Variants in PPFIA2 observed in about 807,000 individuals in gnomAD.
The protein encoded by PPFIA2 is liprin-alpha-2.
PPFIA2 carries 46 observed loss-of-function variants against 175.5 expected under a neutral mutation model. That is an observed-to-expected ratio of 0.26 (90% CI 0.21 to 0.34). The LOEUF (loss-of-function observed/expected upper bound fraction) is 0.34. Among genes scored for constraint, PPFIA2 ranks in the 10% least tolerant of loss-of-function variants. PPFIA2 has a pLI of 1.00. For synonymous variants in PPFIA2, 568 were observed against 511.4 expected, an observed-to-expected ratio of 1.11 and a Z score of -1.49; for missense variants, 1,179 against 1,506.1, an observed-to-expected ratio of 0.78 and a Z score of 3.60.
At position 81,347,730 on chromosome 12, in the gene PPFIA2, C is replaced by T. The variant is rs369543017; in HGVS notation, c.2035G>A (p.Glu679Lys). 6.2e-7 allele frequency: 1 copy of T among 1,613,870 alleles called. No homozygotes were observed. The highest frequency in any genetic ancestry group is 1.7e-5 in the Admixed American group (1 of 59,992). The part of the protein sequence containing the change: ...EEKESTELRA[E>K]EIENRVASVS... ...CTAGCCACTCTATTTTCAATTTCTTCAGCACGCAACTCTGTAGATTCTTTT... is the reference window on the plus strand; with the variant it reads ...CTAGCCACTCTATTTTCAATTTCTTTAGCACGCAACTCTGTAGATTCTTTT... The change falls in exon 18 of 33, where the codon GAA becomes AAA. Residue 679 changes from glutamate (E) to lysine (K), a missense_variant. Coordinates refer to ENST00000549396, the MANE Select transcript of PPFIA2 (RefSeq NM_003625.5).
At chr12:81,658,243 G>A (rs1361751369) in intron 4 of PPFIA2, among the ~76,000 whole-genome samples, 1 of 148,686 alleles carries the variant, frequency 6.7e-6, no homozygotes, top group South Asian at 2.1e-4. Context: ...ACTCCAGCCT[G>A]GGCAACAAGA....
At chr12:81,369,466 CA>C (rs2034501691) in intron 11 of PPFIA2, 1 of 1,258,746 alleles carries the variant, frequency 7.9e-7, no homozygotes. Flanking sequence ...ATGGTTTGAA[CA>C]CAAACCTGCC....
Position 81,275,866 on chromosome 12 carries a change from G to A in PPFIA2, c.3310+1451C>T, listed in dbSNP as rs2040375111. Reference sequence around the variant, plus strand: ...GTGGGGCAATCTCGGCTCACTGCAAGCTCTGCCTCCAGGGTTCACGCCATT... The same window carrying A: ...GTGGGGCAATCTCGGCTCACTGCAAACTCTGCCTCCAGGGTTCACGCCATT... On this transcript the variant is annotated intron_variant, in intron 28 of 32. Transcript: ENST00000549396. Among the ~76,000 whole-genome samples the A allele has an allele frequency of 2.6e-5, 4 of 151,018 alleles. No homozygotes were observed. The South Asian group carries it at 8.4e-4, about 32-fold the overall frequency.
chr12:81,327,218 T>C (rs533890682), intron 21 of PPFIA2, among the ~76,000 whole-genome samples: 1 of 152,210 alleles, frequency 6.6e-6, no homozygotes, highest in South Asian at 2.1e-4. Context: ...TTTATTGCTG[T>C]ATAGATCTAA....
intron 4 of PPFIA2, among the ~76,000 whole-genome samples, chr12:81,493,996 A>C (rs986012401): frequency 1.3e-5 from 2 of 151,910 alleles, no homozygotes; most frequent in Non-Finnish European, 2.9e-5. Context: ...AAAACCCTAG[A>C]AGAAAACCTA....
intron 4 of PPFIA2, among the ~76,000 whole-genome samples, chr12:81,660,293 C>A (rs578076730): frequency 1.3e-5 from 2 of 152,104 alleles, no homozygotes; most frequent in Admixed American, 1.3e-4. Context: ...AAGTTAAAAA[C>A]CTTGAAAAAA....
intron 4 of PPFIA2, among the ~76,000 whole-genome samples, chr12:81,530,854 G>A (rs942555639): frequency 6.6e-6 from 1 of 151,788 alleles, no homozygotes; most frequent in South Asian, 2.1e-4. Flanking sequence ...GTCCTTATTA[G>A]AGATAGAAGT....
intron 23 of PPFIA2, among the ~76,000 whole-genome samples, chr12:81,296,213 G>T (rs2046403808): frequency 6.6e-6 from 1 of 152,152 alleles, no homozygotes; most frequent in African/African-American, 2.4e-5. Context: ...CAGCTACGGG[G>T]GAGGCTGAGG....
intron 4 of PPFIA2, among the ~76,000 whole-genome samples, chr12:81,616,938 A>G (rs1253904317): frequency 6.6e-6 from 1 of 152,182 alleles, no homozygotes; most frequent in Non-Finnish European, 1.5e-5. Context: ...TTGCATTATT[A>G]TTCACTCAAC....
rs181548878 is a variant in PPFIA2, at chr12:81,296,044, G to A, written c.2725-1009C>T. 7.9e-5 allele frequency among the ~76,000 whole-genome samples: 12 copies of A among 152,112 alleles called. No individual in the cohort carries two copies. The South Asian group carries it at 1.2e-3, about 16-fold the overall frequency. On this transcript the variant is annotated intron_variant, in intron 23 of 32. Coordinates refer to ENST00000549396, the MANE Select transcript of PPFIA2 (RefSeq NM_003625.5). ...AATGAGGCCAGGCGCGGTGGCTCAC[G>A]CCTGTAATCCTAGCACTTTGGGAGG... is the stretch of plus-strand genomic sequence containing the variant.
chr12:81,285,315 G>A (rs1292764826), intron 24 of PPFIA2, among the ~76,000 whole-genome samples: 3 of 151,904 alleles, frequency 2.0e-5, no homozygotes, highest in Non-Finnish European at 4.4e-5. Flanking sequence ...TACTTGTTTT[G>A]GGGAGGGTCC....
intron 4 of PPFIA2, among the ~76,000 whole-genome samples, chr12:81,629,320 T>C (rs1409384379): frequency 6.6e-6 from 1 of 152,192 alleles, no homozygotes; most frequent in Non-Finnish European, 1.5e-5. Flanking sequence ...ACGAAAAGCC[T>C]TTAAGATTAA....
intron 4 of PPFIA2, among the ~76,000 whole-genome samples, chr12:81,610,386 T>C (rs550087536): frequency 6.6e-6 from 1 of 152,340 alleles, no homozygotes; most frequent in South Asian, 2.1e-4. Flanking sequence ...CAATGAATCA[T>C]AGATTTATTC....
chr12:81,505,708 G>A (rs2061085897), intron 4 of PPFIA2: 1 of 152,190 alleles, frequency 6.6e-6, no homozygotes, highest in South Asian at 2.1e-4. Flanking sequence ...TTGTACATGT[G>A]TATGCCCTGA....
intron 32 of PPFIA2, chr12:81,261,203 TCA>T (rs529634698): frequency 1.9e-4 from 29 of 152,296 alleles, no homozygotes; most frequent in African/African-American, 6.3e-4. Context: ...TTTGAATTTT[TCA>T]CAGTTTCTAC....
intron 8 of PPFIA2, among the ~76,000 whole-genome samples, chr12:81,395,885 C>T (rs1276012550): frequency 6.6e-6 from 1 of 152,064 alleles, no homozygotes; most frequent in African/African-American, 2.4e-5. Context: ...TACATATCTC[C>T]TATGTCGAGA....
Position 81,753,959 on chromosome 12 carries a change from A to G in PPFIA2, c.249+14T>C. 1 of 1,612,726 alleles carries G rather than the reference A, an allele frequency of 6.2e-7. No individual in the cohort carries two copies. On this transcript the variant is annotated intron_variant, in intron 3 of 32. Transcript: ENST00000549396. ...AATTACAATAGGAGAAACAAAGGCT[A>G]CCAGGAAGCATACCTGTGGCAGGGC...
intron 26 of PPFIA2, chr12:81,282,808 C>T (rs899695053): frequency 3.0e-5 from 12 of 402,794 alleles, no homozygotes; most frequent in African/African-American, 1.2e-4. Flanking sequence ...AGGTATGAAA[C>T]GTCAATCATC....
intron 22 of PPFIA2, chr12:81,312,488 G>C (rs12820143): frequency 2.9e-6 from 1 of 339,454 alleles, no homozygotes; most frequent in Admixed American, 4.5e-5. Context: ...AAGAAATCTT[G>C]GTAAAGGACA....
Sources: allele counts gnomAD v4.1 joint callset (sites outside exome capture counted in the v4.1 genomes callset), GRCh38; gene constraint gnomAD v4.1.1; transcripts MANE v1.5; gene names NCBI Gene and HGNC (gene_info 2026-07-23, HGNC 2026-07-21).